Variants in WDR86 observed in about 807,000 individuals in gnomAD.
WDR86 encodes the protein WD repeat domain 86.
WDR86 carries 30 observed loss-of-function variants against 36.5 expected under a neutral mutation model. That is an observed-to-expected ratio of 0.82 (90% CI 0.61 to 1.11). The LOEUF (loss-of-function observed/expected upper bound fraction) is 1.11. Among genes scored for constraint, WDR86 ranks in the 50% most tolerant of loss-of-function variants. The pLI, the probability that WDR86 is intolerant of heterozygous loss-of-function variation, is 0.00. For missense variants in WDR86, 545 were observed against 561.2 expected (o/e 0.97, Z 0.29); for synonymous variants, 255 against 252.9 (o/e 1.01, Z -0.08).
intron 2 of WDR86, among the ~76,000 whole-genome samples, chr7:151,398,218 G>A (rs1800010922): frequency 6.6e-6 from 1 of 152,058 alleles, no homozygotes; most frequent in Admixed American, 6.6e-5. Flanking sequence ...TGTGTAAGTT[G>A]TGTGTCTATG....
chr7:151,378,722 T>C (rs1023533087), downstream of WDR86, among the ~76,000 whole-genome samples: 2 of 152,204 alleles, frequency 1.3e-5, no homozygotes, highest in African/African-American at 2.4e-5. Context: ...TGACGCGGAG[T>C]CTCAGCCTCA....
At chr7:151,374,557 C>T (rs113373222), downstream of WDR86, 51 of 419,196 alleles carry the variant, frequency 1.2e-4, no homozygotes, top group Middle Eastern at 6.4e-4. Context: ...GCAGTTTCCA[C>T]GGCAGAAAAA....
At position 151,409,532 on chromosome 7, in the gene WDR86, A is replaced by G. The variant is rs1380708341; in HGVS notation, c.58T>C (p.Trp20Arg). The G allele has an allele frequency of 6.6e-7, 1 of 1,525,958 alleles. No individual in the cohort carries two copies. Among genetic ancestry groups the G allele is most frequent in the Non-Finnish European group, 8.8e-7 (1 of 1,141,940 alleles). 94.5% of individuals were successfully genotyped at this position (1,525,958 alleles called of 1,614,324 possible). The change falls in exon 1 of 6, where the codon TGG (tryptophan) becomes CGG (arginine). Residue 20 changes from tryptophan to arginine, a missense_variant. Coordinates refer to ENST00000334493, the MANE Select transcript of WDR86 (RefSeq NM_198285.3). This position sits in a 1 kb window ranked among gnomAD's most constrained non-coding sequence, Gnocchi z 5.2. ...TGCCCGTCGGGGCTCAGGCTCAGCC[A>G]GTTGATGCCCCCGCGGTGGTCGGCG... ...VCADHRGGIN[W>R]LSLSPDGQRL...
At chr7:151,410,114 C>A (rs1489334244), upstream of WDR86, 23 of 979,054 alleles carry the variant, frequency 2.3e-5, no homozygotes, top group Non-Finnish European at 2.7e-5. Flanking sequence ...CAGCCCCCAC[C>A]CCGCGCGCCT....
At chr7:151,372,956 G>A (rs538481853), downstream of WDR86, among the ~76,000 whole-genome samples, 70 of 152,296 alleles carry the variant, frequency 4.6e-4, 1 homozygote, top group South Asian at 0.014. Context: ...GTCTACAGAT[G>A]TCTTCATCCC....
At chr7:151,378,552 C>T (rs1196230806), downstream of WDR86, 1 of 152,214 alleles carries the variant, frequency 6.6e-6, no homozygotes, top group East Asian at 1.9e-4. Context: ...ATGTCTGTTT[C>T]CACTGAGTTT....
rs371164945 is a variant in WDR86, at chr7:151,381,847, C to A, written c.966+31G>T. 1 of 1,577,546 alleles carries A rather than the reference C, an allele frequency of 6.3e-7. No individual in the cohort carries two copies. Among genetic ancestry groups the A allele is most frequent in the Admixed American group, 1.8e-5 (1 of 54,452 alleles). Reference sequence around the variant, plus strand: ...GGCGGGGCACCTTCCCTCCCACGGGCGGCGGCCCCGAGAAGGGCAGAGGGA... The same window carrying A: ...GGCGGGGCACCTTCCCTCCCACGGGAGGCGGCCCCGAGAAGGGCAGAGGGA... On this transcript the variant is annotated intron_variant, in intron 5 of 5. Coordinates refer to ENST00000334493, the MANE Select transcript of WDR86 (RefSeq NM_198285.3). This position sits in a 1 kb window ranked among gnomAD's most constrained non-coding sequence, Gnocchi z 4.8.
In WDR86 at chr7:151,408,787, C is replaced by T. The variant is rs1246763116; in HGVS notation, c.163+640G>A. 9.0e-5 allele frequency: 38 copies of T among 423,340 alleles called. 1 individual carries two copies. In the East Asian group the frequency reaches 1.8e-3, roughly 20 times the overall value. The allele number at this position is 423,340 out of a possible 1,614,324, so 26.2% of individuals were successfully genotyped here. A position where few individuals can be genotyped will look rare whatever the true frequency, so the allele number is the denominator to read the frequency against. On this transcript the variant is annotated intron_variant, in intron 1 of 5. Transcript: ENST00000334493. Reference sequence around the variant, plus strand: ...ACTGACCTCCTGAGTGAGTACAGGGCACAAATAGAAACCAACAGGCATGCA... The same window carrying T: ...ACTGACCTCCTGAGTGAGTACAGGGTACAAATAGAAACCAACAGGCATGCA...
intron 2 of WDR86, among the ~76,000 whole-genome samples, chr7:151,397,446 C>T (rs548810099): frequency 6.6e-5 from 10 of 152,360 alleles, no homozygotes; most frequent in Admixed American, 2.6e-4. Context: ...TATTTTGAGA[C>T]GGAGTCTCAC....
intron 3 of WDR86, among the ~76,000 whole-genome samples, chr7:151,387,445 G>T (rs541949427): frequency 6.6e-6 from 1 of 152,320 alleles, no homozygotes; most frequent in African/African-American, 2.4e-5. Context: ...TCCTCAGCCT[G>T]TGGAGGCCTT....
At chr7:151,395,494 GACACACACACACAC>G (rs57122668) in intron 3 of WDR86, among the ~76,000 whole-genome samples, 59 of 147,154 alleles carry the variant, frequency 4.0e-4, no homozygotes, top group South Asian at 3.1e-3. Flanking sequence ...AAGAGATTAG[GACACACACACACAC>G]ACACACACAC....
At chr7:151,371,155 A>G (rs1299208554), downstream of WDR86, among the ~76,000 whole-genome samples, 2 of 152,230 alleles carry the variant, frequency 1.3e-5, no homozygotes, top group Admixed American at 6.5e-5. Context: ...TCCACCCAAC[A>G]GATGTTGTTA....
Position 151,388,312 on chromosome 7 carries a change from T to G in WDR86, c.727-3089A>C, listed in dbSNP as rs533323130. Among the ~76,000 whole-genome samples the G allele has an allele frequency of 6.6e-6, 1 of 152,368 alleles. No individual in the cohort carries two copies. The highest frequency in any genetic ancestry group is 1.9e-4 in the East Asian group (1 of 5,190). On this transcript the variant is annotated intron_variant, in intron 3 of 5. Transcript: ENST00000334493. The surrounding 1 kb of genome is among the most constrained non-coding windows in gnomAD (Gnocchi z 4.2). Reference sequence around the variant, plus strand: ...TTTTTACAATTTACATTTGAAATGTTTTATAACTAAAATGTTTAAAACATC... The same window carrying G: ...TTTTTACAATTTACATTTGAAATGTGTTATAACTAAAATGTTTAAAACATC...
At chr7:151,403,490 C>T (rs1800480499) in intron 1 of WDR86, among the ~76,000 whole-genome samples, 2 of 152,278 alleles carry the variant, frequency 1.3e-5, no homozygotes, top group South Asian at 4.2e-4. Flanking sequence ...CACATCCACC[C>T]CTTCCCCCGA....
downstream of WDR86, among the ~76,000 whole-genome samples, chr7:151,372,274 T>C (rs1301632479): frequency 6.6e-6 from 1 of 152,250 alleles, no homozygotes; most frequent in Non-Finnish European, 1.5e-5. Flanking sequence ...TACTTTATCT[T>C]TCTAACTCAT....
rs1274587391 is a variant in WDR86 at position 151,381,172 on chromosome 7, C to T, written c.*410G>A. Reference sequence around the variant, plus strand: ...TCAGTTCCCCCCAAGGCCCTCGAGACGGACGATTTGCCAAAATAACCAGGT... The same window carrying T: ...TCAGTTCCCCCCAAGGCCCTCGAGATGGACGATTTGCCAAAATAACCAGGT... On this transcript the variant is annotated 3_prime_UTR_variant, in exon 6 of 6. Coordinates refer to ENST00000334493, the MANE Select transcript of WDR86 (RefSeq NM_198285.3). The surrounding 1 kb of genome is among the most constrained non-coding windows in gnomAD (Gnocchi z 4.8). The T allele has an allele frequency of 1.9e-5, 24 of 1,251,182 alleles. No individual in the cohort carries two copies. The highest frequency in any genetic ancestry group is 3.1e-5 in the African/African-American group (2 of 64,522). The allele number at this position is 1,251,182 out of a possible 1,614,324, so 77.5% of individuals were successfully genotyped here. A position where few individuals can be genotyped will look rare whatever the true frequency, so the allele number is the denominator to read the frequency against.
Position 151,381,548 on chromosome 7 carries a change from T to A in WDR86, c.*34A>T. ...GCGGGGCGCTCTGGGAGCCGCTGGG[T>A]GTCTGGGCTGGCGTCTGCAGGGGCC... On this transcript the variant is annotated 3_prime_UTR_variant, in exon 6 of 6. Transcript: ENST00000334493. This position sits in a 1 kb window ranked among gnomAD's most constrained non-coding sequence, Gnocchi z 4.8. 7.2e-7 allele frequency: 1 copy of A among 1,389,234 alleles called. No homozygotes were observed. The allele number at this position is 1,389,234 out of a possible 1,614,324, so 86.1% of individuals were successfully genotyped here.
At chr7:151,382,357 G>A (rs565677609) in intron 4 of WDR86, among the ~76,000 whole-genome samples, 3 of 152,156 alleles carry the variant, frequency 2.0e-5, no homozygotes, top group Non-Finnish European at 2.9e-5. Context: ...TTATCCTCCC[G>A]TCCTCATTAA....
At position 151,381,485 on chromosome 7, in the gene WDR86, C is replaced by CTCGCCGGCCA; in HGVS notation, c.*87_*96dup. The CTCGCCGGCCA allele has an allele frequency of 6.8e-7, 1 of 1,466,900 alleles. No individual in the cohort carries two copies. 90.9% of individuals were successfully genotyped at this position (1,466,900 alleles called of 1,614,324 possible). On this transcript the variant is annotated 3_prime_UTR_variant, in exon 6 of 6. Transcript: ENST00000334493. The surrounding 1 kb of genome is among the most constrained non-coding windows in gnomAD (Gnocchi z 4.8). ...GCCCGGGCTTCCTCGCTCCTCGCCCCTCGCCGGCCATCGGGCGCCACCACC... is the reference window on the plus strand; with the variant it reads ...GCCCGGGCTTCCTCGCTCCTCGCCCCTCGCCGGCCATCGCCGGCCATCGGGCGCCACCACC...
Sources: gnomAD v4.1 joint callset for allele counts (sites outside exome capture counted in the v4.1 genomes callset) on GRCh38, gnomAD v4.1.1 for gene constraint, Gnocchi (gnomAD v3.1) non-coding constraint, MANE v1.5 for transcripts, NCBI Gene and HGNC (gene_info 2026-07-23, HGNC 2026-07-21) for gene names.